The following ANO4 variants were observed in gnomAD, a reference collection of about 807,000 sequenced individuals.
ANO4 encodes the protein anoctamin 4.
In ANO4, 69 loss-of-function variants were observed where a neutral mutation model predicts 141.9. That is an observed-to-expected ratio of 0.49 (90% CI 0.40 to 0.59). ANO4 has a LOEUF of 0.59. Ranked by LOEUF, ANO4 falls within the 20% of genes least tolerant of loss-of-function variation. ANO4 has a pLI of 0.00. For synonymous variants in ANO4, 350 were observed against 394.3 expected (o/e 0.89, Z 1.33); for missense variants, 894 against 1,162.2 (o/e 0.77, Z 3.36).
At chr12:101,067,157 T>C (rs559806381) in intron 14 of ANO4, 17 of 302,184 alleles carry the variant, frequency 5.6e-5, no homozygotes, top group African/African-American at 3.1e-4. Context: ...TGATTTCATC[T>C]ACCTACTAGA....
rs551933816 is a variant in ANO4, at chr12:100,888,597, C to T, written c.-140-13049C>T. Among the ~76,000 whole-genome samples the T allele has an allele frequency of 1.1e-4, 16 of 152,360 alleles. No individual in the cohort carries two copies. The South Asian group carries it at 3.1e-3, about 30-fold the overall frequency. On this transcript the variant is annotated intron_variant, in intron 1 of 27. Coordinates refer to ENST00000392977, the MANE Select transcript of ANO4 (RefSeq NM_001286615.2). ...GCCTGTTTTTCCTCCCAACCTTTAG[C>T]TCCTTCTTGTGCCTCCATTGGCTGA...
Position 101,097,837 on chromosome 12 carries a change from T to A in ANO4, c.1909-11T>A. 1.2e-6 allele frequency: 2 copies of A among 1,613,032 alleles called. No individual in the cohort carries two copies. Among genetic ancestry groups the A allele is most frequent in the South Asian group, 1.1e-5 (1 of 91,040 alleles). ...TTGATTCTGGAATTTCTGTGTTTGC[T>A]TACCTTGCAGTGCCACCCTAGTGGA... is the stretch of plus-strand genomic sequence containing the variant. On this transcript the variant is annotated splice_polypyrimidine_tract_variant and intron_variant, in intron 20 of 27. Transcript: ENST00000392977.
intron 8 of ANO4, among the ~76,000 whole-genome samples, chr12:101,018,021 C>T (rs949503850): frequency 7.2e-5 from 11 of 152,294 alleles, no homozygotes; most frequent in African/African-American, 2.6e-4. Flanking sequence ...AGCAGAAAAC[C>T]ATTTAATGGA....
chr12:100,866,631 C>G (rs1012630642), intron 1 of ANO4, among the ~76,000 whole-genome samples: 2 of 152,160 alleles, frequency 1.3e-5, no homozygotes, highest in African/African-American at 2.4e-5. Context: ...GCTGTCTTTG[C>G]TTCCAACTTA....
chr12:101,011,095 GT>G (rs1450415021), intron 8 of ANO4, among the ~76,000 whole-genome samples: 2 of 152,098 alleles, frequency 1.3e-5, no homozygotes, highest in Admixed American at 1.3e-4. Flanking sequence ...AAAGAGGCTC[GT>G]TTGGGCTTCT....
chr12:100,884,539 A>T (rs1243519595), intron 1 of ANO4, among the ~76,000 whole-genome samples: 1 of 152,188 alleles, frequency 6.6e-6, no homozygotes. Context: ...TGCTTCTGTA[A>T]CAAATTACCA....
At chr12:100,975,622 G>A (rs375683530) in intron 7 of ANO4, among the ~76,000 whole-genome samples, 1 of 151,528 alleles carries the variant, frequency 6.6e-6, no homozygotes, top group African/African-American at 2.4e-5. Flanking sequence ...TGTATTTTTA[G>A]TAGAGAGAGG....
intron 1 of ANO4, among the ~76,000 whole-genome samples, chr12:100,728,996 C>T (rs576610438): frequency 1.1e-4 from 17 of 151,898 alleles, no homozygotes; most frequent in Non-Finnish European, 2.2e-4. Context: ...ACTTCTTCCC[C>T]GTCAGTGGAA....
At chr12:100,801,093 GTC>G (rs35462149) in intron 1 of ANO4, among the ~76,000 whole-genome samples, 79,249 of 146,976 alleles carry the variant, frequency 0.54, 21,087 homozygotes, top group Middle Eastern at 0.65. Flanking sequence ...TTGTCTACTT[GTC>G]TCTCTCTCTC....
chr12:100,927,072 T>A (rs2041905283), intron 3 of ANO4, among the ~76,000 whole-genome samples: 2 of 152,078 alleles, frequency 1.3e-5, no homozygotes, highest in South Asian at 4.1e-4. Context: ...TATTTGTTAG[T>A]GATTGAGTGA....
intron 9 of ANO4, among the ~76,000 whole-genome samples, chr12:101,029,547 G>A (rs2046881550): frequency 6.6e-6 from 1 of 152,078 alleles, no homozygotes; most frequent in Non-Finnish European, 1.5e-5. Context: ...TGACAAAACA[G>A]ACTTTAAACC....
intron 1 of ANO4, among the ~76,000 whole-genome samples, chr12:100,812,899 T>C (rs959398777): frequency 2.6e-5 from 4 of 152,256 alleles, no homozygotes; most frequent in African/African-American, 9.6e-5. Context: ...AGGTTCTGTT[T>C]AGGAATCAGT....
chr12:101,111,498 C>A, intron 23 of ANO4, 65 bp from the exon 24 acceptor site: 9 of 1,386,780 alleles, frequency 6.5e-6, no homozygotes, highest in South Asian at 4.9e-5. Context: ...AAATTAATTC[C>A]ATTTTTTCAT....
At chr12:101,062,734 C>G (rs1053161177) in intron 14 of ANO4, among the ~76,000 whole-genome samples, 5 of 152,180 alleles carry the variant, frequency 3.3e-5, no homozygotes, top group African/African-American at 7.2e-5. Context: ...CACCCCTCCC[C>G]CCACCAAGCT....
At chr12:101,018,900 C>G (rs1419210053) in intron 8 of ANO4, among the ~76,000 whole-genome samples, 1 of 151,972 alleles carries the variant, frequency 6.6e-6, no homozygotes, top group South Asian at 2.1e-4. Flanking sequence ...TTTTGTTTAC[C>G]ACTGTATAAT....
chr12:100,842,737 A>G (rs1003868652), intron 1 of ANO4, among the ~76,000 whole-genome samples: 4 of 151,966 alleles, frequency 2.6e-5, no homozygotes, highest in Non-Finnish European at 5.9e-5. Flanking sequence ...TTGTCCTTAC[A>G]TGGTAGAAGG....
intron 1 of ANO4, among the ~76,000 whole-genome samples, chr12:100,891,199 C>T (rs1237089230): frequency 2.0e-5 from 3 of 152,158 alleles, no homozygotes; most frequent in Non-Finnish European, 4.4e-5. Context: ...GAATGTATCA[C>T]AGTTTATTTG....
At chr12:101,080,880 A>AT (rs57911763) in intron 15 of ANO4, among the ~76,000 whole-genome samples, 2,780 of 94,228 alleles carry the variant, frequency 0.03, 129 homozygotes, top group African/African-American at 0.091. Context: ...ATATATATAT[A>AT]TATTATATAT....
At chr12:100,762,055 G>T (rs777860300) in intron 3 of ANO4, among the ~76,000 whole-genome samples, 1 of 152,218 alleles carries the variant, frequency 6.6e-6, no homozygotes, top group Non-Finnish European at 1.5e-5. Flanking sequence ...TAGGGGGAAA[G>T]GGGCTGTAAC....
Sources: gnomAD v4.1 joint callset for allele counts (sites outside exome capture counted in the v4.1 genomes callset) on GRCh38, gnomAD v4.1.1 for gene constraint, MANE v1.5 for transcripts, NCBI Gene and HGNC (gene_info 2026-07-23, HGNC 2026-07-21) for gene names.